Variants in PLPP3 observed in about 807,000 individuals in gnomAD.
The protein encoded by PLPP3 is phospholipid phosphatase 3, also known as PAP2 beta.
A neutral mutation model predicts 29.6 loss-of-function variants in PLPP3; 6 were observed. The ratio of observed to expected loss-of-function variants is 0.20; its 90% confidence interval spans 0.11 to 0.40. The LOEUF is 0.40. Among genes scored for constraint, PLPP3 ranks in the 10% least tolerant of loss-of-function variants. The probability of loss-of-function intolerance (pLI) is 1.00; values close to 1 mark genes in which losing one functional copy is unlikely to be tolerated. For missense variants in PLPP3, 308 were observed against 407.7 expected (o/e 0.76, Z 2.11); for synonymous variants, 152 against 159.7 (o/e 0.95, Z 0.36).
intron 1 of PLPP3, among the ~76,000 whole-genome samples, chr1:56,545,433 T>C (rs566214660): frequency 3.9e-5 from 6 of 152,302 alleles, no homozygotes; most frequent in Middle Eastern, 3.4e-3. Context: ...CCAAAGCTCA[T>C]GCAAGTAGCC....
chr1:56,510,031 G>A (rs1283046033), intron 5 of PLPP3, among the ~76,000 whole-genome samples: 1 of 152,088 alleles, frequency 6.6e-6, no homozygotes, highest in East Asian at 1.9e-4. Context: ...CTGTCTAATT[G>A]CTTATGGCCC....
chr1:56,578,499 G>A (rs1263553326), intron 1 of PLPP3, among the ~76,000 whole-genome samples: 1 of 152,212 alleles, frequency 6.6e-6, no homozygotes, highest in Non-Finnish European at 1.5e-5. Context: ...TCGGATGGAG[G>A]GCGACCAGCT....
rs560459398 is a variant in PLPP3, at chr1:56,565,262, C to T, written c.139+13616G>A. On this transcript the variant is annotated intron_variant, in intron 1 of 5. Coordinates refer to ENST00000371250, the MANE Select transcript of PLPP3 (RefSeq NM_003713.5). ...CTGCATTTAATGAAGGAGCTGCATC[C>T]GCAGCCACTAACCAGAGAAGCTCAA... is the stretch of plus-strand genomic sequence containing the variant. Among the ~76,000 whole-genome samples, 13 of 152,028 alleles carry T rather than the reference C, an allele frequency of 8.6e-5. No homozygotes were observed. The East Asian group carries it at 2.1e-3, about 25-fold the overall frequency.
At chr1:56,501,644 A>T (rs925290774) in intron 5 of PLPP3, among the ~76,000 whole-genome samples, 1 of 152,112 alleles carries the variant, frequency 6.6e-6, no homozygotes, top group Admixed American at 6.5e-5. Flanking sequence ...GTGGAATATG[A>T]TCTAATTTAC....
intron 4 of PLPP3, chr1:56,513,607 A>C (rs1163718024): frequency 6.6e-6 from 1 of 152,202 alleles, no homozygotes; most frequent in Non-Finnish European, 1.5e-5. Flanking sequence ...TCTAGGACTG[A>C]ATCCTCAACT....
At chr1:56,521,871 A>G (rs1383114723) in intron 4 of PLPP3, among the ~76,000 whole-genome samples, 1 of 152,092 alleles carries the variant, frequency 6.6e-6, no homozygotes, top group African/African-American at 2.4e-5. Flanking sequence ...TCATCCCCAC[A>G]GAGATCTCTA....
chr1:56,556,079 C>T (rs894344654), intron 1 of PLPP3, among the ~76,000 whole-genome samples: 4 of 152,128 alleles, frequency 2.6e-5, no homozygotes, highest in Non-Finnish European at 2.9e-5. Flanking sequence ...TTGGCTTGGG[C>T]CTCAATTTCC....
chr1:56,523,400 T>A (rs1018349903), intron 4 of PLPP3, among the ~76,000 whole-genome samples: 11 of 152,152 alleles, frequency 7.2e-5, no homozygotes, highest in African/African-American at 2.7e-4. Context: ...CACCATAGAT[T>A]TTCAGAAAAC....
chr1:56,505,482 T>TC (rs1645696347), intron 5 of PLPP3, among the ~76,000 whole-genome samples: 4 of 152,180 alleles, frequency 2.6e-5, no homozygotes, highest in African/African-American at 9.7e-5. Context: ...TGGGTCCACT[T>TC]AAACACAAAT....
chr1:56,516,494 C>G (rs1466205322), intron 4 of PLPP3, among the ~76,000 whole-genome samples: 1 of 152,186 alleles, frequency 6.6e-6, no homozygotes, highest in African/African-American at 2.4e-5. Flanking sequence ...GTCCTAGGTG[C>G]CCTGAAAGGG....
chr1:56,521,391 T>G (rs1645818768), intron 4 of PLPP3, among the ~76,000 whole-genome samples: 1 of 152,148 alleles, frequency 6.6e-6, no homozygotes, highest in Non-Finnish European at 1.5e-5. Context: ...CAGGTTGTTT[T>G]AGGGCAAGAT....
chr1:56,525,480 C>A (rs1323898259), intron 2 of PLPP3, among the ~76,000 whole-genome samples: 1 of 152,078 alleles, frequency 6.6e-6, no homozygotes, highest in Non-Finnish European at 1.5e-5. Context: ...TATTATATAC[C>A]AGACATTGCT....
At chr1:56,508,947 A>C (rs1163562283) in intron 5 of PLPP3, among the ~76,000 whole-genome samples, 1 of 152,148 alleles carries the variant, frequency 6.6e-6, no homozygotes, top group East Asian at 1.9e-4. Flanking sequence ...TGGAAAAGAC[A>C]CTACCTTCTT....
chr1:56,527,762 A>C (rs560741157), intron 2 of PLPP3, among the ~76,000 whole-genome samples: 120 of 152,230 alleles, frequency 7.9e-4, no homozygotes, highest in African/African-American at 2.8e-3. Context: ...GCTTCTTGTA[A>C]TCCTAACCCT....
At position 56,565,523 on chromosome 1, in the gene PLPP3, C is replaced by T. The variant is rs754953196; in HGVS notation, c.139+13355G>A. ...GCAACCTCTGCCTCCCAGGCTCAAG[C>T]GATTCTCCTGCCTCAGCCTCCCGAG... On this transcript the variant is annotated intron_variant, in intron 1 of 5. Coordinates refer to ENST00000371250, the MANE Select transcript of PLPP3 (RefSeq NM_003713.5). Among the ~76,000 whole-genome samples, 101 of 152,184 alleles carry T rather than the reference C, an allele frequency of 6.6e-4. No homozygotes were observed. In the Middle Eastern group the frequency reaches 0.01, roughly 15 times the overall value.
intron 1 of PLPP3, among the ~76,000 whole-genome samples, chr1:56,559,224 T>C (rs1646104483): frequency 6.6e-6 from 1 of 152,166 alleles, no homozygotes; most frequent in South Asian, 2.1e-4. Context: ...AAACAAAGGC[T>C]GGAATACAGA....
intron 1 of PLPP3, among the ~76,000 whole-genome samples, chr1:56,553,698 T>C (rs538035352): frequency 3.2e-4 from 48 of 152,192 alleles, no homozygotes; most frequent in African/African-American, 1.2e-3. Flanking sequence ...TCGAACTAAA[T>C]AGCAAGAGAA....
intron 1 of PLPP3, among the ~76,000 whole-genome samples, chr1:56,559,200 A>G (rs919991676): frequency 6.6e-6 from 1 of 152,212 alleles, no homozygotes; most frequent in Non-Finnish European, 1.5e-5. Context: ...GTGCGTTAGC[A>G]GAGGAAAGAG....
At position 56,578,881 on chromosome 1, in the gene PLPP3, T is replaced by C. The variant is rs1463706976; in HGVS notation, c.136A>G (p.Met46Val). The change falls in exon 1 of 6, where the codon ATG (methionine) becomes GTG (valine). Residue 46 changes from methionine to valine, a missense_variant. Physicochemically the swap from Met to Val is conservative, Grantham distance 21. Around this residue, in one of 3 missense-constraint regions of PLPP3, gnomAD observed 67 missense variants for 61.3 expected, o/e 1.09. Transcript: ENST00000371250. Reference sequence around the variant, plus strand: ...GGGACAGCGGGGCTGGGCTCACCCATGAAGAGGCAGAAGAGGTCGAGGCAG... The same window carrying C: ...GGGACAGCGGGGCTGGGCTCACCCACGAAGAGGCAGAAGAGGTCGAGGCAG... ...LICLDLFCLF[M>V]AGLPFLIIET... is the part of the protein sequence containing the mutation. 1.9e-6 allele frequency: 3 copies of C among 1,578,232 alleles called. No homozygotes were observed. The highest frequency in any genetic ancestry group is 1.7e-4 in the Middle Eastern group (1 of 5,982).
Sources: gnomAD v4.1 joint callset for allele counts (sites outside exome capture counted in the v4.1 genomes callset) on GRCh38, gnomAD v4.1.1 for gene constraint, gnomAD v4.1.1 regional missense constraint, MANE v1.5 for transcripts, NCBI Gene and HGNC (gene_info 2026-07-23, HGNC 2026-07-21) for gene names.